The following EPHA6 variants were observed in gnomAD, a reference collection of about 807,000 sequenced individuals.
EPHA6 encodes ephrin type-A receptor 6.
Under a neutral mutation model 112.0 loss-of-function variants are expected in EPHA6, and 50 were observed. That is an observed-to-expected ratio of 0.45 (90% confidence interval 0.36 to 0.56). The LOEUF is 0.56. EPHA6 is among the 20% of genes least tolerant of loss of function. The probability of loss-of-function intolerance (pLI) is 0.00; values close to 1 mark genes in which losing one functional copy is unlikely to be tolerated. For synonymous variants in EPHA6, 529 were observed against 490.7 expected (o/e 1.08, Z -1.03); for missense variants, 1,280 against 1,417.4 (o/e 0.90, Z 1.56).
chr3:97,333,598 G>A (rs1426552676), intron 5 of EPHA6, among the ~76,000 whole-genome samples: 3 of 148,500 alleles, frequency 2.0e-5, no homozygotes, highest in South Asian at 2.1e-4. Context: ...CTCAGCCTCC[G>A]AGTAGCTGGA....
chr3:97,466,444 T>C lies in EPHA6; in HGVS notation c.1895-8908T>C, dbSNP rs755838341. On this transcript the variant is annotated intron_variant, in intron 7 of 17. Transcript: ENST00000389672. ...GACTCTCCATTTCAAGTGACAAAACTGTACTGGCTTAATGAAAAGTGGGAC... is the reference window on the plus strand; with the variant it reads ...GACTCTCCATTTCAAGTGACAAAACCGTACTGGCTTAATGAAAAGTGGGAC... The C allele has an allele frequency of 2.6e-6, 4 of 1,550,944 alleles. No homozygotes were observed. In the East Asian group the frequency reaches 9.0e-5, roughly 35 times the overall value.
chr3:97,616,361 G>A (rs72932230), intron 13 of EPHA6, among the ~76,000 whole-genome samples: 40,970 of 152,058 alleles, frequency 0.27, 7,310 homozygotes, highest in East Asian at 0.51. Context: ...CAAAAAGCCA[G>A]AGTGTCCTCT....
At chr3:96,901,063 A>G (rs2038580985) in intron 2 of EPHA6, among the ~76,000 whole-genome samples, 1 of 152,208 alleles carries the variant, frequency 6.6e-6, no homozygotes, top group Non-Finnish European at 1.5e-5. Context: ...TGCTGGGAAT[A>G]GAAAAGAGCT....
At chr3:97,726,694 A>T (rs1307117911) in intron 15 of EPHA6, among the ~76,000 whole-genome samples, 1 of 152,018 alleles carries the variant, frequency 6.6e-6, no homozygotes, top group Non-Finnish European at 1.5e-5. Context: ...TTTTCATCCA[A>T]GTTCGAAATA....
chr3:96,823,056 T>C (rs1444986054), intron 1 of EPHA6, among the ~76,000 whole-genome samples: 1 of 151,714 alleles, frequency 6.6e-6, no homozygotes, highest in Non-Finnish European at 1.5e-5. Context: ...GAAAAATTGA[T>C]ATGATTGCCC....
intron 1 of EPHA6, among the ~76,000 whole-genome samples, chr3:96,819,487 T>C (rs1472162562): frequency 1.3e-5 from 2 of 152,072 alleles, no homozygotes; most frequent in Non-Finnish European, 2.9e-5. Context: ...GACTGCATGC[T>C]CCATTTGTTC....
At chr3:96,838,262 G>A (rs1437491261) in intron 1 of EPHA6, among the ~76,000 whole-genome samples, 1 of 152,120 alleles carries the variant, frequency 6.6e-6, no homozygotes, top group East Asian at 1.9e-4. Flanking sequence ...GTATTCCATG[G>A]TGTATATGTG....
intron 11 of EPHA6, among the ~76,000 whole-genome samples, chr3:97,534,130 G>A (rs889703774): frequency 4.6e-5 from 7 of 152,098 alleles, no homozygotes; most frequent in African/African-American, 1.7e-4. Context: ...CTTAACATCT[G>A]TATCCTTTAC....
chr3:97,116,350 T>C (rs2108293462), intron 3 of EPHA6, among the ~76,000 whole-genome samples: 1 of 151,816 alleles, frequency 6.6e-6, no homozygotes, highest in East Asian at 1.9e-4. Context: ...GTTATATCTG[T>C]GTGTATATAT....
At chr3:97,125,066 G>A (rs544378467) in intron 3 of EPHA6, among the ~76,000 whole-genome samples, 1 of 152,266 alleles carries the variant, frequency 6.6e-6, no homozygotes, top group East Asian at 1.9e-4. Flanking sequence ...ATTACTTAGA[G>A]AAATGCAGGA....
chr3:97,618,808 T>A (rs2093788230), intron 13 of EPHA6, among the ~76,000 whole-genome samples: 1 of 152,048 alleles, frequency 6.6e-6, no homozygotes. Context: ...ACCAGATGGA[T>A]TCACAGCTGA....
At chr3:96,821,325 T>C (rs1413233333) in intron 1 of EPHA6, among the ~76,000 whole-genome samples, 1 of 151,988 alleles carries the variant, frequency 6.6e-6, no homozygotes, top group Non-Finnish European at 1.5e-5. Flanking sequence ...TTCATTTAAA[T>C]GTTTCTAAAT....
chr3:97,090,012 A>G (rs1490099092), intron 3 of EPHA6, among the ~76,000 whole-genome samples: 1 of 152,090 alleles, frequency 6.6e-6, no homozygotes, highest in African/African-American at 2.4e-5. Flanking sequence ...TTATACTTTA[A>G]GTACTAATTA....
intron 5 of EPHA6, among the ~76,000 whole-genome samples, chr3:97,379,620 G>A (rs1253346397): frequency 6.6e-6 from 1 of 151,402 alleles, no homozygotes; most frequent in Non-Finnish European, 1.5e-5. Context: ...ATGGTGGCAG[G>A]CACCTGTAAT....
intron 12 of EPHA6, among the ~76,000 whole-genome samples, chr3:97,603,316 A>T (rs2093656972): frequency 6.6e-6 from 1 of 151,964 alleles, no homozygotes; most frequent in Non-Finnish European, 1.5e-5. Flanking sequence ...TGGAACCGGC[A>T]GGAAAATCAT....
chr3:97,393,822 T>A (rs1182744594), intron 5 of EPHA6, among the ~76,000 whole-genome samples: 1 of 151,796 alleles, frequency 6.6e-6, no homozygotes, highest in Non-Finnish European at 1.5e-5. Context: ...ATGAATGAGA[T>A]CTTGTGGCAT....
intron 2 of EPHA6, among the ~76,000 whole-genome samples, chr3:96,903,406 A>T (rs1164622535): frequency 6.6e-6 from 1 of 152,142 alleles, no homozygotes; most frequent in African/African-American, 2.4e-5. Flanking sequence ...ATTTTCTTGG[A>T]AAATCACCCT....
intron 2 of EPHA6, among the ~76,000 whole-genome samples, chr3:96,917,820 A>G (rs999143500): frequency 2.6e-5 from 4 of 152,104 alleles, no homozygotes; most frequent in African/African-American, 9.7e-5. Flanking sequence ...GTGAGAAGGA[A>G]CCAGTGTAAG....
chr3:97,054,000 C>T (rs529631346), intron 3 of EPHA6, among the ~76,000 whole-genome samples: 1 of 152,144 alleles, frequency 6.6e-6, no homozygotes, highest in Non-Finnish European at 1.5e-5. Flanking sequence ...AGGGTTCTTT[C>T]TGTTATAACA....
Sources: gnomAD v4.1 joint callset for allele counts (sites outside exome capture counted in the v4.1 genomes callset) on GRCh38, gnomAD v4.1.1 for gene constraint, MANE v1.5 for transcripts, NCBI Gene and HGNC (gene_info 2026-07-23, HGNC 2026-07-21) for gene names.